OLFM4: variants seen among roughly 807,000 people sequenced by gnomAD.
OLFM4 encodes the protein olfactomedin-4.
In OLFM4, 22 loss-of-function variants were observed where a neutral mutation model predicts 25.5. The observed-to-expected ratio is 0.86, with a 90% CI of 0.62 to 1.23. The LOEUF is 1.23. OLFM4 is among the 50% of genes most tolerant of loss of function. The pLI is 0.00. For synonymous variants in OLFM4, 255 were observed against 237.7 expected (o/e 1.07, Z -0.67); for missense variants, 594 against 619.4 (o/e 0.96, Z 0.44).
At chr13:53,034,599 G>T (rs2138232542) in intron 2 of OLFM4, 99 bp downstream of exon 2, 6 of 1,050,754 alleles carry the variant, frequency 5.7e-6, no homozygotes, top group South Asian at 1.7e-5. Flanking sequence ...CACTATCAAA[G>T]ACATCACGTT....
In OLFM4 at chr13:53,029,023, G is replaced by A. The variant is rs751659629; in HGVS notation, c.187G>A (p.Gly63Arg). Residue 63 changes from glycine to arginine, a missense_variant, in exon 1 of 5, where the codon GGA becomes AGA. Physicochemically the swap from Gly to Arg is moderately radical, Grantham distance 125. Transcript: ENST00000219022. ...CAGCTCCAGCCGCAGCTTAGGCAGC[G>A]GAGGTTCTGTGTCCCAGGTGAGGAG... ...GSSSSRSLGS[G>R]GSVSQLFSNF... The A allele has an allele frequency of 4.3e-5, 70 of 1,613,996 alleles. No homozygotes were observed. The highest frequency in any genetic ancestry group is 1.6e-4 in the Middle Eastern group (1 of 6,076).
At chr13:53,033,928 C>T (rs1299611512) in intron 1 of OLFM4, among the ~76,000 whole-genome samples, 6 of 81,690 alleles carry the variant, frequency 7.3e-5, no homozygotes. Context: ...GGCGTGGTGG[C>T]GGGCTGTAGT....
intron 1 of OLFM4, among the ~76,000 whole-genome samples, chr13:53,033,449 C>G (rs1954639411): frequency 6.6e-6 from 1 of 152,178 alleles, no homozygotes; most frequent in African/African-American, 2.4e-5. Flanking sequence ...TAGCCCACAT[C>G]TTTGGTGATT....
chr13:53,041,405 T>C (rs952745439), intron 2 of OLFM4, among the ~76,000 whole-genome samples: 2 of 152,022 alleles, frequency 1.3e-5, no homozygotes, highest in African/African-American at 4.8e-5. Flanking sequence ...TTCTCACATA[T>C]AAATGAGAGC....
At chr13:53,030,020 C>T (rs1273037715) in intron 1 of OLFM4, among the ~76,000 whole-genome samples, 3 of 152,148 alleles carry the variant, frequency 2.0e-5, no homozygotes, top group Non-Finnish European at 4.4e-5. Flanking sequence ...GGAGTCTTAT[C>T]TGGGCCAAAG....
chr13:53,029,154 C>T, intron 1 of OLFM4, 114 bp downstream of exon 1: 1 of 1,468,578 alleles, frequency 6.8e-7, no homozygotes, highest in Non-Finnish European at 9.1e-7. Context: ...AGATTTACGA[C>T]TCATTTTGTT....
chr13:53,049,567 T>A (rs1282088021), intron 4 of OLFM4, among the ~76,000 whole-genome samples: 2 of 152,188 alleles, frequency 1.3e-5, no homozygotes, highest in Non-Finnish European at 2.9e-5. Flanking sequence ...TAATCTTGCT[T>A]CCTTGATTTT....
At chr13:53,033,205 G>A (rs1891945) in intron 1 of OLFM4, among the ~76,000 whole-genome samples, 82,754 of 152,076 alleles carry the variant, frequency 0.54, 22,772 homozygotes, top group East Asian at 0.72. Context: ...AAAAATATGC[G>A]GTGGCACTGA....
At chr13:53,032,703 T>C (rs996430952) in intron 1 of OLFM4, among the ~76,000 whole-genome samples, 1 of 149,014 alleles carries the variant, frequency 6.7e-6, no homozygotes, top group Admixed American at 6.7e-5. Flanking sequence ...ACATAAAAAA[T>C]ATGATTGGAT....
At chr13:53,041,032 T>G (rs1033397389) in intron 2 of OLFM4, among the ~76,000 whole-genome samples, 3 of 151,938 alleles carry the variant, frequency 2.0e-5, no homozygotes, top group Admixed American at 6.6e-5. Context: ...TTGGTGGGAG[T>G]GTAAATTAGT....
chr13:53,045,075 G>A (rs35412628), intron 4 of OLFM4, among the ~76,000 whole-genome samples: 3,204 of 152,320 alleles, frequency 0.021, 50 homozygotes, highest in Non-Finnish European at 0.035. Context: ...TAATGACAGA[G>A]CAGAAGCTGC....
In OLFM4 at chr13:53,050,519, A is replaced by G. The variant is rs1404346449; in HGVS notation, c.1281A>G (p.Lys427=). The G allele has an allele frequency of 1.9e-6, 3 of 1,613,906 alleles. No individual in the cohort carries two copies. In the African/African-American group the frequency reaches 4.0e-5, roughly 22 times the overall value. The change falls in exon 5 of 5, where the codon AAA becomes AAG. Residue 427 remains lysine, a synonymous_variant. Transcript: ENST00000219022. ...ACACTTGGTATACCAAGCAGTATAA[A>G]CCATCTGCTTCTAACGCCTTCATGG... ...VLNTWYTKQY[K]PSASNAFMVC...
At chr13:53,044,948 A>C (rs1954707896) in intron 4 of OLFM4, among the ~76,000 whole-genome samples, 1 of 152,136 alleles carries the variant, frequency 6.6e-6, no homozygotes, top group Non-Finnish European at 1.5e-5. Context: ...CATCCCTTAG[A>C]ATGAGGACAT....
chr13:53,049,502 G>A (rs1954733065), intron 4 of OLFM4, among the ~76,000 whole-genome samples: 1 of 152,030 alleles, frequency 6.6e-6, no homozygotes. Context: ...TATTCTTTCT[G>A]GGATAGATTT....
At position 53,051,856 on chromosome 13, in the gene OLFM4, C is replaced by A. The variant is rs1209657029; in HGVS notation, c.*1085C>A. On this transcript the variant is annotated 3_prime_UTR_variant, in exon 5 of 5. Coordinates refer to ENST00000219022, the MANE Select transcript of OLFM4 (RefSeq NM_006418.5). ...TTTTCTAGGACGAGCTATAGAAAAG[C>A]TATTGAGAGTATCTAGTTAATCAGT... 1 of 152,002 alleles carries A rather than the reference C, an allele frequency of 6.6e-6. No individual in the cohort carries two copies. The highest frequency in any genetic ancestry group is 1.5e-5 in the Non-Finnish European group (1 of 68,008). The allele number at this position is 152,002 out of a possible 1,614,324, so 9.4% of individuals were successfully genotyped here.
intron 1 of OLFM4, among the ~76,000 whole-genome samples, chr13:53,030,708 G>A (rs1954624786): frequency 6.6e-6 from 1 of 152,212 alleles, no homozygotes; most frequent in African/African-American, 2.4e-5. Flanking sequence ...AAGTCACTAA[G>A]CTAGCAAGTT....
At position 53,050,913 on chromosome 13, in the gene OLFM4, C is replaced by G. The variant is rs1029554561; in HGVS notation, c.*142C>G. The stretch of plus-strand genomic sequence containing the variant: ...TGCATAGTTCTACCACACTAGAGAT[C>G]TAGGACATTTGTCTTGATTTGGTGA... On this transcript the variant is annotated 3_prime_UTR_variant, in exon 5 of 5. Transcript: ENST00000219022. 5 of 680,922 alleles carry G rather than the reference C, an allele frequency of 7.3e-6. No individual in the cohort carries two copies. The highest frequency in any genetic ancestry group is 7.2e-5 in the African/African-American group (4 of 55,364). 42.2% of individuals were successfully genotyped at this position (680,922 alleles called of 1,614,324 possible).
At chr13:53,041,861 G>T in intron 2 of OLFM4, 49 bp from the exon 3 acceptor site, 2 of 1,322,796 alleles carry the variant, frequency 1.5e-6, no homozygotes, top group South Asian at 1.2e-5. Flanking sequence ...GAAGAAGATG[G>T]TGTGATACTA....
At chr13:53,041,380 A>G (rs1954685978) in intron 2 of OLFM4, among the ~76,000 whole-genome samples, 1 of 152,198 alleles carries the variant, frequency 6.6e-6, no homozygotes, top group African/African-American at 2.4e-5. Context: ...AGAACAGAAA[A>G]CCAAATACCA....
Sources: gnomAD v4.1 joint callset for allele counts (sites outside exome capture counted in the v4.1 genomes callset) on GRCh38, gnomAD v4.1.1 for gene constraint, MANE v1.5 for transcripts, NCBI Gene and HGNC (gene_info 2026-07-23, HGNC 2026-07-21) for gene names.